LRRC63: variants seen among roughly 807,000 people sequenced by gnomAD.
LRRC63 encodes the protein leucine-rich repeat-containing protein 63.
In LRRC63, 40 loss-of-function variants were observed where a neutral mutation model predicts 49.5. The ratio of observed to expected loss-of-function variants is 0.81; its 90% CI spans 0.63 to 1.05. LRRC63 has a LOEUF of 1.05. Ranked by LOEUF, LRRC63 falls within the 50% of genes least tolerant of loss-of-function variation. LRRC63 has a pLI of 0.00. For missense variants in LRRC63, 636 were observed against 663.1 expected (o/e 0.96, Z 0.45); for synonymous variants, 191 against 221.1 (o/e 0.86, Z 1.21).
intron 5 of LRRC63, among the ~76,000 whole-genome samples, chr13:46,241,066 G>C (rs1432862667): frequency 6.6e-6 from 1 of 152,180 alleles, no homozygotes. Flanking sequence ...GAGGCATCAT[G>C]CTACCTGCCT....
intron 5 of LRRC63, 39 bp from the exon 6 acceptor site, chr13:46,246,488 T>C: frequency 1.0e-6 from 1 of 1,003,810 alleles, no homozygotes; most frequent in Non-Finnish European, 1.4e-6. Context: ...TTGTGCCTTG[T>C]TAGTGATTAA....
chr13:46,275,302 A>G (rs1368215334), intron 9 of LRRC63, among the ~76,000 whole-genome samples: 1 of 152,102 alleles, frequency 6.6e-6, no homozygotes, highest in Admixed American at 6.5e-5. Context: ...CTGTCCCTTC[A>G]ATATACTGAT....
chr13:46,214,648 T>TA (rs568422359), intron 2 of LRRC63, among the ~76,000 whole-genome samples: 2,954 of 139,648 alleles, frequency 0.021, 33 homozygotes, highest in Non-Finnish European at 0.033. Context: ...TTATTTCTTC[T>TA]AAAAAAAAAA....
chr13:46,224,963 C>T (rs2046526158), intron 2 of LRRC63, among the ~76,000 whole-genome samples: 2 of 152,202 alleles, frequency 1.3e-5, no homozygotes, highest in South Asian at 4.1e-4. Flanking sequence ...TATCTTTGTG[C>T]CCCAGAGTGG....
At chr13:46,266,652 C>A in intron 8 of LRRC63, 81 bp from the exon 9 acceptor site, 1 of 1,217,264 alleles carries the variant, frequency 8.2e-7, no homozygotes, top group Non-Finnish European at 1.1e-6. Flanking sequence ...TGCCAATTTT[C>A]ATGAACAATT....
chr13:46,261,136 A>G (rs746318418), intron 7 of LRRC63, among the ~76,000 whole-genome samples: 4 of 152,192 alleles, frequency 2.6e-5, no homozygotes, highest in Admixed American at 6.5e-5. Flanking sequence ...GAGTGTTTGT[A>G]TTCTTTGGTT....
chr13:46,213,846 A>G (rs2138332891), intron 2 of LRRC63, among the ~76,000 whole-genome samples: 1 of 152,348 alleles, frequency 6.6e-6, no homozygotes, highest in Non-Finnish European at 1.5e-5. Flanking sequence ...ATGGTTCAGT[A>G]ATGAGTAATT....
chr13:46,276,232 A>G (rs141560354), intron 9 of LRRC63, among the ~76,000 whole-genome samples: 1 of 151,130 alleles, frequency 6.6e-6, no homozygotes, highest in Non-Finnish European at 1.5e-5. Flanking sequence ...ATAAAAAATA[A>G]CATGTTTATT....
intron 5 of LRRC63, among the ~76,000 whole-genome samples, chr13:46,245,055 G>A (rs117363469): frequency 0.016 from 2,414 of 152,254 alleles, 29 homozygotes; most frequent in Middle Eastern, 0.037. Context: ...GGCTGTATTA[G>A]CTGACTAGGT....
At chr13:46,247,936 ATTG>A (rs2047261238) in intron 6 of LRRC63, among the ~76,000 whole-genome samples, 1 of 152,106 alleles carries the variant, frequency 6.6e-6, no homozygotes, top group African/African-American at 2.4e-5. Flanking sequence ...ATAATAATGT[ATTG>A]TTAGGTCTGT....
intron 4 of LRRC63, among the ~76,000 whole-genome samples, chr13:46,230,139 A>G (rs922809937): frequency 2.6e-5 from 4 of 152,204 alleles, no homozygotes; most frequent in African/African-American, 7.2e-5. Flanking sequence ...AGAGGGGACA[A>G]CATCCAAACT....
intron 5 of LRRC63, among the ~76,000 whole-genome samples, chr13:46,238,833 A>C (rs2046976313): frequency 6.6e-6 from 1 of 152,256 alleles, no homozygotes; most frequent in South Asian, 2.1e-4. Context: ...CAAGACTTTT[A>C]AAATCACTCA....
intron 9 of LRRC63, among the ~76,000 whole-genome samples, chr13:46,273,265 G>A (rs1305920092): frequency 6.6e-6 from 1 of 152,098 alleles, no homozygotes; most frequent in Admixed American, 6.6e-5. Flanking sequence ...AAAGAGGGAT[G>A]TGTACAAAGA....
rs542214090 is a variant in LRRC63, at chr13:46,237,954, C to A, written c.990+3605C>A. On this transcript the variant is annotated intron_variant, in intron 5 of 9. Coordinates refer to ENST00000595396, the Ensembl canonical transcript of LRRC63. ...ATGAGATTAAATCAGTAACAAAAAACTTCCAAACAAAGAAAAATCCAGGAC... is the reference window on the plus strand; with the variant it reads ...ATGAGATTAAATCAGTAACAAAAAAATTCCAAACAAAGAAAAATCCAGGAC... Among the ~76,000 whole-genome samples, 3 of 152,184 alleles carry A rather than the reference C, an allele frequency of 2.0e-5. 1 individual carries two copies. In the South Asian group the frequency reaches 6.2e-4, roughly 32 times the overall value.
intron 5 of LRRC63, among the ~76,000 whole-genome samples, chr13:46,237,926 G>C (rs774955000): frequency 2.0e-4 from 30 of 152,164 alleles, no homozygotes; most frequent in Admixed American, 7.8e-4. Context: ...TGTTTAATAA[G>C]TAATGAGATT....
At chr13:46,263,552 A>C (rs1175782726) in intron 8 of LRRC63, among the ~76,000 whole-genome samples, 1 of 152,164 alleles carries the variant, frequency 6.6e-6, no homozygotes, top group East Asian at 1.9e-4. Context: ...AGGCAATATA[A>C]AAAGTACTTC....
intron 5 of LRRC63, among the ~76,000 whole-genome samples, chr13:46,236,738 G>C (rs933634917): frequency 3.3e-5 from 5 of 152,096 alleles, no homozygotes; most frequent in Non-Finnish European, 5.9e-5. Flanking sequence ...AAGAAATAAA[G>C]AACTCTGATG....
At chr13:46,260,675 A>G (rs1242946709) in intron 7 of LRRC63, among the ~76,000 whole-genome samples, 1 of 152,218 alleles carries the variant, frequency 6.6e-6, no homozygotes, top group Non-Finnish European at 1.5e-5. Context: ...ATCTGAGCCA[A>G]GACAAAAAAT....
intron 6 of LRRC63, among the ~76,000 whole-genome samples, chr13:46,248,922 T>C (rs1412361523): frequency 6.6e-6 from 1 of 151,536 alleles, no homozygotes; most frequent in African/African-American, 2.4e-5. Context: ...TTTAAAAGGA[T>C]TGAAAAATTA....
Sources: allele counts gnomAD v4.1 joint callset (sites outside exome capture counted in the v4.1 genomes callset), GRCh38; gene constraint gnomAD v4.1.1; transcripts MANE v1.5; gene names NCBI Gene and HGNC (gene_info 2026-07-23, HGNC 2026-07-21).